Variants in ZFP37 observed in about 807,000 individuals in gnomAD.
The protein encoded by ZFP37 is ZFP37 zinc finger protein.
A neutral mutation model predicts 52.1 loss-of-function variants in ZFP37; 38 were observed. The ratio of observed to expected loss-of-function variants is 0.73; its 90% CI spans 0.56 to 0.96. The LOEUF (loss-of-function observed/expected upper bound fraction) is 0.96. Ranked by LOEUF, ZFP37 falls within the 40% of genes least tolerant of loss-of-function variation. The pLI, the probability that ZFP37 is intolerant of heterozygous loss-of-function variation, is 0.00. For missense variants in ZFP37, 695 were observed against 741.4 expected (o/e 0.94, Z 0.73); for synonymous variants, 253 against 259.5 (o/e 0.98, Z 0.24).
rs1564344057 is a variant in ZFP37 at position 113,044,079 on chromosome 9, CAT to C, written c.537_538del (p.Cys180TrpfsTer12). 15 of 1,609,254 alleles carry C rather than the reference CAT, an allele frequency of 9.3e-6. No homozygotes were observed. Among genetic ancestry groups the C allele is most frequent in the Non-Finnish European group, 1.3e-5 (15 of 1,178,850 alleles). On this transcript the variant is annotated frameshift_variant, in exon 4 of 4. Transcript: ENST00000374227. LOFTEE classifies it high-confidence loss of function. ...TAAATTCTGTTTCAAAATTTTTCCA[CAT>C]GACTCAAATTTAAGAAGCCTTTTCT...
chr9:113,047,678 T>C (rs1828982574), intron 3 of ZFP37, among the ~76,000 whole-genome samples: 1 of 152,162 alleles, frequency 6.6e-6, no homozygotes, highest in African/African-American at 2.4e-5. Flanking sequence ...ATGAACCTGA[T>C]TTGTGTGATG....
At position 113,039,776 on chromosome 9, in the gene ZFP37, T is replaced by C. The variant is rs1828816997; in HGVS notation, c.*2949A>G. 6.6e-6 allele frequency: 1 copy of C among 152,216 alleles called. No individual in the cohort carries two copies. Among genetic ancestry groups the C allele is most frequent in the Non-Finnish European group, 1.5e-5 (1 of 68,036 alleles). The allele number at this position is 152,216 out of a possible 1,614,324, so 9.4% of individuals were successfully genotyped here. A position where few individuals can be genotyped will look rare whatever the true frequency, so the allele number is the denominator to read the frequency against. ...ATAAATGTTTCAAAACTGTTAATAA[T>C]AATTTACTTTTATGCCCCTTCATTT... is the stretch of plus-strand genomic sequence containing the variant. On this transcript the variant is annotated 3_prime_UTR_variant, in exon 4 of 4. Transcript: ENST00000374227.
Position 113,055,257 on chromosome 9 carries a change from T to C in ZFP37, c.132+1300A>G, listed in dbSNP as rs538146885. On this transcript the variant is annotated intron_variant, in intron 1 of 3. Coordinates refer to ENST00000374227, the MANE Select transcript of ZFP37 (RefSeq NM_003408.3). ...GATGATTTATGCCTCAACCCAACTG[T>C]CATTTGCTAAGGAAAGCTTTCCATG... Among the ~76,000 whole-genome samples the C allele has an allele frequency of 6.0e-4, 92 of 152,332 alleles. 1 individual carries two copies. Among genetic ancestry groups the C allele is most frequent in the Middle Eastern group, 3.4e-3 (1 of 294 alleles).
In ZFP37 at chr9:113,038,778, C is replaced by T. The variant is rs1332093344; in HGVS notation, c.*3947G>A. 6.6e-6 allele frequency: 1 copy of T among 151,496 alleles called. No individual in the cohort carries two copies. Among genetic ancestry groups the T allele is most frequent in the African/African-American group, 2.4e-5 (1 of 41,324 alleles). 9.4% of individuals were successfully genotyped at this position (151,496 alleles called of 1,614,324 possible). On this transcript the variant is annotated 3_prime_UTR_variant, in exon 4 of 4. Transcript: ENST00000374227. ...CCAGTCTGGGTGACAGAGACTTTGTCTCAAAACAAAATAAAACAAAAAAAG... is the reference window on the plus strand; with the variant it reads ...CCAGTCTGGGTGACAGAGACTTTGTTTCAAAACAAAATAAAACAAAAAAAG...
Position 113,043,544 on chromosome 9 carries a change from A to G in ZFP37, c.1074T>C (p.His358=). The change falls in exon 4 of 4, where the codon CAT becomes CAC. Residue 358 remains histidine, a synonymous_variant. Transcript: ENST00000374227. ...PYECIQCGKA[H]GHKHALTDHL... is the part of the protein sequence containing the mutation. ...GGTCAGTGAGTGCATGTTTATGACC[A>G]TGGGCTTTGCCACACTGAATACATT... The G allele has an allele frequency of 4.3e-6, 7 of 1,614,050 alleles. No homozygotes were observed. Among genetic ancestry groups the G allele is most frequent in the Non-Finnish European group, 5.9e-6 (7 of 1,179,946 alleles).
chr9:113,043,860 C>T lies in ZFP37; in HGVS notation c.758G>A (p.Cys253Tyr). 6.2e-7 allele frequency: 1 copy of T among 1,614,038 alleles called. No individual in the cohort carries two copies. Among genetic ancestry groups the T allele is most frequent in the Non-Finnish European group, 8.5e-7 (1 of 1,179,934 alleles). ...NKTGKKHDKL[C>Y]CHSSSHIKQD... ...TTTAATATGGGATGAACTATGACAG[C>T]ATAATTTGTCATGTTTTTTGCCAGT... The change falls in exon 4 of 4, where the codon TGC (cysteine) becomes TAC (tyrosine). Residue 253 changes from cysteine to tyrosine, a missense_variant. Physicochemically the swap from Cys to Tyr is radical, Grantham distance 194 (BLOSUM62 -2). This residue lies in a region of ZFP37 where 369 missense variants were observed against 340.9 expected (regional missense o/e 1.08). Coordinates refer to ENST00000374227, the MANE Select transcript of ZFP37 (RefSeq NM_003408.3).
rs201332570 is a variant in ZFP37 at position 113,043,607 on chromosome 9, A to G, written c.1011T>C (p.Val337=). 5.0e-6 allele frequency: 8 copies of G among 1,614,050 alleles called. No homozygotes were observed. In the African/African-American group the frequency reaches 6.7e-5, roughly 13 times the overall value. Residue 337 remains valine (V), a synonymous_variant, in exon 4 of 4, where the codon GTT becomes GTC. Transcript: ENST00000374227. ...CTCCGGTGTGAGTTCTCTGATGTAC[A>G]ACAAGGTGTGACTTTTGGCTAAAGG... ...GIAFSQKSHL[V]VHQRTHTGEK...
intron 3 of ZFP37, among the ~76,000 whole-genome samples, chr9:113,048,403 C>T (rs553085601): frequency 4.6e-5 from 7 of 151,910 alleles, no homozygotes; most frequent in Non-Finnish European, 8.8e-5. Context: ...CGTAGGGTCT[C>T]GGAGTATGGG....
In ZFP37 at chr9:113,043,734, C is replaced by T. The variant is rs201541582; in HGVS notation, c.884G>A (p.Cys295Tyr). The change falls in exon 4 of 4, where the codon TGT becomes TAT. Residue 295 changes from cysteine (C) to tyrosine (Y), a missense_variant. By Grantham distance (194) the Cys-to-Tyr change is radical (BLOSUM62 -2). This residue lies in a region of ZFP37 where 369 missense variants were observed against 340.9 expected (regional missense o/e 1.08). Coordinates refer to ENST00000374227, the MANE Select transcript of ZFP37 (RefSeq NM_003408.3). ...GCTGAGAACCTTTCCACATTGATTACATTCATAGGGTTTCACACAAGCTTG... is the reference window on the plus strand; with the variant it reads ...GCTGAGAACCTTTCCACATTGATTATATTCATAGGGTTTCACACAAGCTTG... ...KPQACVKPYE[C>Y]NQCGKVLSHK... 9.5e-5 allele frequency: 153 copies of T among 1,613,978 alleles called. 2 individuals are homozygous for T. In the South Asian group the frequency reaches 1.0e-3, roughly 11 times the overall value.
chr9:113,052,895 T>C lies in ZFP37; in HGVS notation c.133-3023A>G, dbSNP rs544177565. ...AGCAGGCCTGTCTAAGGATAGCAGT[T>C]TTTCACTTCTATGTTAACTCTGTTC... is the stretch of plus-strand genomic sequence containing the variant. On this transcript the variant is annotated intron_variant, in intron 1 of 3. Coordinates refer to ENST00000374227, the MANE Select transcript of ZFP37 (RefSeq NM_003408.3). The surrounding 1 kb of genome is among the most constrained non-coding windows in gnomAD (Gnocchi z 4.1). Among the ~76,000 whole-genome samples the C allele has an allele frequency of 2.0e-5, 3 of 152,220 alleles. No individual in the cohort carries two copies. The highest frequency in any genetic ancestry group is 2.1e-4 in the South Asian group (1 of 4,816).
intron 1 of ZFP37, 47 bp from the exon 2 acceptor site, chr9:113,049,919 T>C: frequency 6.2e-7 from 1 of 1,612,332 alleles, no homozygotes; most frequent in South Asian, 1.1e-5. Context: ...TACTGATACC[T>C]GTGATAGCAT....
At chr9:113,051,804 C>T (rs1829062614) in intron 1 of ZFP37, among the ~76,000 whole-genome samples, 1 of 152,150 alleles carries the variant, frequency 6.6e-6, no homozygotes, top group Non-Finnish European at 1.5e-5. Flanking sequence ...CCCCACAGAC[C>T]TGTAGTCACT....
intron 1 of ZFP37, among the ~76,000 whole-genome samples, chr9:113,053,070 T>C (rs141461734): frequency 6.6e-6 from 1 of 152,294 alleles, no homozygotes; most frequent in East Asian, 1.9e-4. Context: ...TCCACTCAAA[T>C]TCAGCCACCT....
rs192967078 is a variant in ZFP37, at chr9:113,043,836, T to C, written c.782A>G (p.Lys261Arg). 38 of 1,614,074 alleles carry C rather than the reference T, an allele frequency of 2.4e-5. No individual in the cohort carries two copies. In the East Asian group the frequency reaches 6.7e-4, roughly 28 times the overall value. Residue 261 changes from lysine to arginine, a missense_variant, in exon 4 of 4, where the codon AAA (lysine) becomes AGA (arginine). Lys to Arg is a conservative substitution (Grantham distance 26). Coordinates refer to ENST00000374227, the MANE Select transcript of ZFP37 (RefSeq NM_003408.3). ...KLCCHSSSHI[K>R]QDKIQTGEKH... ...CTCTCCAGTTTGAATTTTGTCCTGT[T>C]TAATATGGGATGAACTATGACAGCA... is the stretch of plus-strand genomic sequence containing the variant.
intron 3 of ZFP37, among the ~76,000 whole-genome samples, chr9:113,044,896 C>A (rs1041791085): frequency 6.6e-6 from 1 of 151,988 alleles, no homozygotes; most frequent in African/African-American, 2.4e-5. Context: ...CACCGAGAAG[C>A]AGAGACATAA....
In ZFP37 at chr9:113,043,290, T is replaced by C. The variant is rs538937607; in HGVS notation, c.1328A>G (p.Lys443Arg). 6 of 1,614,000 alleles carry C rather than the reference T, an allele frequency of 3.7e-6. No individual in the cohort carries two copies. The East Asian group carries it at 1.1e-4, about 30-fold the overall frequency. The change falls in exon 4 of 4, where the codon AAG becomes AGG. Residue 443 changes from lysine (K) to arginine (R), a missense_variant. Lys to Arg is a conservative substitution (Grantham distance 26, BLOSUM62 2). Coordinates refer to ENST00000374227, the MANE Select transcript of ZFP37 (RefSeq NM_003408.3). Reference protein sequence around the residue: ...YECNECGKAFKYSSSLTKHMR... With the variant: ...YECNECGKAFRYSSSLTKHMR... ...GTGTTTAGTAAGGGATGAGCTATAC[T>C]TAAAGGCTTTTCCACATTCATTGCA...
intron 3 of ZFP37, among the ~76,000 whole-genome samples, chr9:113,048,957 C>T (rs1487572989): frequency 6.6e-6 from 1 of 151,998 alleles, no homozygotes; most frequent in East Asian, 1.9e-4. Context: ...AATGCTCTTT[C>T]AGCATAGGTC....
Position 113,044,014 on chromosome 9 carries a change from A to G in ZFP37, c.604T>C (p.Ser202Pro), listed in dbSNP as rs1237206745. The change falls in exon 4 of 4, where the codon TCT becomes CCT. Residue 202 changes from serine (S) to proline (P), a missense_variant. By Grantham distance (74) the Ser-to-Pro change is moderately conservative. This residue lies in a region of ZFP37 where 369 missense variants were observed against 340.9 expected (regional missense o/e 1.08). Transcript: ENST00000374227. ...DHSRNCVKRK[S>P]DAAKEHKKSF... Reference sequence around the variant, plus strand: ...TTCTTGTGTTCTTTAGCTGCATCAGATTTCCTTTTTACACAGTTTCTTGAG... The same window carrying G: ...TTCTTGTGTTCTTTAGCTGCATCAGGTTTCCTTTTTACACAGTTTCTTGAG... 2 of 1,613,826 alleles carry G rather than the reference A, an allele frequency of 1.2e-6. No individual in the cohort carries two copies. Among genetic ancestry groups the G allele is most frequent in the African/African-American group, 1.3e-5 (1 of 74,902 alleles).
chr9:113,050,035 T>C, intron 1 of ZFP37, 163 bp from the exon 2 acceptor site: 2 of 1,135,900 alleles, frequency 1.8e-6, no homozygotes, highest in Non-Finnish European at 2.4e-6. Context: ...TTATAAAGGA[T>C]ACCTATTCTC....
Sources: allele counts gnomAD v4.1 joint callset (sites outside exome capture counted in the v4.1 genomes callset), GRCh38; gene constraint gnomAD v4.1.1; regional missense constraint gnomAD v4.1.1; non-coding constraint Gnocchi (gnomAD v3.1); transcripts MANE v1.5; gene names NCBI Gene and HGNC (gene_info 2026-07-23, HGNC 2026-07-21).